Variants in ICE2 observed in about 807,000 individuals in gnomAD.
ICE2 encodes the protein interactor of little elongation complex ELL subunit 2, also known as little elongation complex subunit 2.
ICE2 carries 87 observed loss-of-function variants against 105.4 expected under a neutral mutation model. That is an observed-to-expected ratio of 0.83 (90% CI 0.69 to 0.99). The LOEUF (loss-of-function observed/expected upper bound fraction) is 0.99, where lower values mean the gene tolerates loss of function less well. Among genes scored for constraint, ICE2 ranks in the 50% least tolerant of loss-of-function variants. The pLI, the probability that ICE2 is intolerant of heterozygous loss-of-function variation, is 0.00. For synonymous variants in ICE2, 399 were observed against 392.0 expected, an observed-to-expected ratio of 1.02 and a Z score of -0.21; for missense variants, 1,323 against 1,146.7, an observed-to-expected ratio of 1.15 and a Z score of -2.22.
intron 5 of ICE2, among the ~76,000 whole-genome samples, chr15:60,458,100 T>G (rs1040220621): frequency 6.6e-6 from 1 of 152,168 alleles, no homozygotes; most frequent in Non-Finnish European, 1.5e-5. Context: ...TAAGACAGTT[T>G]TACACCTATA....
At chr15:60,426,128 T>C (rs1220393625) in intron 15 of ICE2, among the ~76,000 whole-genome samples, 8 of 152,336 alleles carry the variant, frequency 5.3e-5, no homozygotes, top group African/African-American at 1.9e-4. Context: ...TGTGGCCAAA[T>C]TGTGAACATA....
At chr15:60,437,621 C>G (rs548150400) in intron 12 of ICE2, among the ~76,000 whole-genome samples, 1 of 151,754 alleles carries the variant, frequency 6.6e-6, no homozygotes, top group African/African-American at 2.4e-5. Context: ...GTGTGAGCCA[C>G]TGAGCCCGGC....
chr15:60,468,392 T>C, intron 3 of ICE2, 70 bp from the exon 4 acceptor site: 1 of 1,203,986 alleles, frequency 8.3e-7, no homozygotes, highest in Non-Finnish European at 1.2e-6. Context: ...AACTTCATGA[T>C]TCTCAATCAC....
intron 2 of ICE2, among the ~76,000 whole-genome samples, chr15:60,477,645 G>A (rs1304679206): frequency 6.6e-6 from 1 of 152,138 alleles, no homozygotes; most frequent in East Asian, 1.9e-4. Context: ...TTGGACTCAA[G>A]AAAATTCCAG....
chr15:60,474,845 G>A (rs2064712664), intron 3 of ICE2, among the ~76,000 whole-genome samples: 1 of 152,206 alleles, frequency 6.6e-6, no homozygotes, highest in Non-Finnish European at 1.5e-5. Context: ...AAGTTGGCCA[G>A]GCAGAGTGGC....
chr15:60,424,511 A>AC (rs1555406548), intron 15 of ICE2, among the ~76,000 whole-genome samples: 1 of 151,730 alleles, frequency 6.6e-6, no homozygotes. Flanking sequence ...GAGGTGGTCT[A>AC]TTTTTTTTCT....
At position 60,447,967 on chromosome 15, in the gene ICE2, TACTC is replaced by T; in HGVS notation, c.2294_2295+2del. 6.2e-7 allele frequency: 1 copy of T among 1,606,320 alleles called. No individual in the cohort carries two copies. The highest frequency in any genetic ancestry group is 8.5e-7 in the Non-Finnish European group (1 of 1,176,706). ...TATTCTAACTCCGCAAATAACAACTTACTCTTCTGATTTTCTTCCGTTTTTTAGA... is the reference window on the plus strand; with the variant it reads ...TATTCTAACTCCGCAAATAACAACTTTTCTGATTTTCTTCCGTTTTTTAGA... On this transcript the variant is annotated splice_donor_variant and coding_sequence_variant, in exon 11 of 16. Transcript: ENST00000261520. LOFTEE classifies it high-confidence loss of function.
rs1033638043 is a variant in ICE2, at chr15:60,465,844, C to T, written c.528+750G>A. On this transcript the variant is annotated intron_variant, in intron 5 of 15. Transcript: ENST00000261520. Reference sequence around the variant, plus strand: ...TAGCTCACTGCAAACCTCCACCTCCCGGGTTCAAGCGATTCTCCTGCCTCA... The same window carrying T: ...TAGCTCACTGCAAACCTCCACCTCCTGGGTTCAAGCGATTCTCCTGCCTCA... 5.3e-5 allele frequency among the ~76,000 whole-genome samples: 8 copies of T among 151,226 alleles called. No individual in the cohort carries two copies. In the South Asian group the frequency reaches 6.3e-4, roughly 12 times the overall value.
chr15:60,464,876 T>C (rs1480602917), intron 5 of ICE2, among the ~76,000 whole-genome samples: 2 of 152,166 alleles, frequency 1.3e-5, no homozygotes, highest in Non-Finnish European at 2.9e-5. Context: ...CAGTGGCATA[T>C]GCCCATGTCC....
intron 2 of ICE2, among the ~76,000 whole-genome samples, chr15:60,476,725 CATATT>C (rs1350338357): frequency 6.6e-6 from 1 of 152,184 alleles, no homozygotes; most frequent in Non-Finnish European, 1.5e-5. Context: ...TAGAGACTAA[CATATT>C]ATATTCAATG....
At chr15:60,465,058 T>C (rs1288861550) in intron 5 of ICE2, among the ~76,000 whole-genome samples, 4 of 152,230 alleles carry the variant, frequency 2.6e-5, no homozygotes, top group Admixed American at 6.5e-5. Flanking sequence ...GCCAGCTCCT[T>C]TTCCACATAG....
chr15:60,449,420 A>C lies in ICE2; in HGVS notation c.1547T>G (p.Leu516Ter). 6.2e-7 allele frequency: 1 copy of C among 1,613,868 alleles called. No individual in the cohort carries two copies. The highest frequency in any genetic ancestry group is 8.5e-7 in the Non-Finnish European group (1 of 1,179,916). Residue 516 changes from leucine to a stop codon, truncating the protein, a stop_gained, in exon 10 of 16, where the codon TTA becomes TGA. Coordinates refer to ENST00000261520, the MANE Select transcript of ICE2 (RefSeq NM_024611.6). LOFTEE classifies it high-confidence loss of function. ...SDLKTSDALQ[L>*]ENSQEIETSN... ...AGTTTCAATTTCCTGAGAATTTTCT[A>C]ACTGTAAGGCATCAGATGTTTTCAA... is the stretch of plus-strand genomic sequence containing the variant.
At chr15:60,434,320 T>C (rs909250846) in intron 13 of ICE2, among the ~76,000 whole-genome samples, 3 of 152,220 alleles carry the variant, frequency 2.0e-5, no homozygotes, top group Admixed American at 2.0e-4. Context: ...CTCAGAGTTT[T>C]TGACTGTACT....
At chr15:60,436,877 A>G (rs2141018512) in intron 12 of ICE2, among the ~76,000 whole-genome samples, 1 of 152,300 alleles carries the variant, frequency 6.6e-6, no homozygotes, top group Middle Eastern at 3.4e-3. Flanking sequence ...TTATCAAAAT[A>G]AGCAGATAAA....
chr15:60,478,799 G>C (rs1361454495), intron 1 of ICE2: 1 of 367,108 alleles, frequency 2.7e-6, no homozygotes, highest in Middle Eastern at 9.5e-4. Context: ...TGAGGGAAAG[G>C]GGACGCAAAG....
At chr15:60,447,871 CTAT>C (rs548089997) in intron 11 of ICE2, 96 bp downstream of exon 11, 368 of 977,598 alleles carry the variant, frequency 3.8e-4, no homozygotes, top group Non-Finnish European at 5.2e-4. Context: ...GAAGATACTA[CTAT>C]GAGTGCTCAA....
rs2063910009 is a variant in ICE2 at position 60,449,535 on chromosome 15, G to C, written c.1432C>G (p.Pro478Ala). The change falls in exon 10 of 16, where the codon CCT becomes GCT. Residue 478 changes from proline (P) to alanine (A), a missense_variant. By Grantham distance (27) the Pro-to-Ala change is conservative. Transcript: ENST00000261520. ...KQLVTGMDGG[P>A]EECKNKDDQG... is the part of the protein sequence containing the mutation. Reference sequence around the variant, plus strand: ...TCATCTTTATTTTTGCATTCCTCAGGGCCACCATCCATACCAGTGACCAGC... The same window carrying C: ...TCATCTTTATTTTTGCATTCCTCAGCGCCACCATCCATACCAGTGACCAGC... The C allele has an allele frequency of 6.2e-7, 1 of 1,613,822 alleles. No homozygotes were observed. The highest frequency in any genetic ancestry group is 1.3e-5 in the African/African-American group (1 of 74,838).
At chr15:60,453,358 A>C in intron 9 of ICE2, 1 of 1,276,624 alleles carries the variant, frequency 7.8e-7, no homozygotes, top group Non-Finnish European at 9.9e-7. Flanking sequence ...TAAAATATCA[A>C]ACTTAACCCT....
At chr15:60,428,823 A>G (rs937736488) in intron 14 of ICE2, 136 bp from the exon 15 acceptor site, 25 of 888,526 alleles carry the variant, frequency 2.8e-5, no homozygotes, top group Non-Finnish European at 3.4e-5. Flanking sequence ...TTATGACAAA[A>G]TAAGATTTAA....
Sources: allele counts gnomAD v4.1 joint callset (sites outside exome capture counted in the v4.1 genomes callset), GRCh38; gene constraint gnomAD v4.1.1; transcripts MANE v1.5; gene names NCBI Gene and HGNC (gene_info 2026-07-23, HGNC 2026-07-21).